PKNOX1: variants seen among roughly 807,000 people sequenced by gnomAD.
PKNOX1 encodes PBX/knotted 1 homeobox 1.
Under a neutral mutation model 51.9 loss-of-function variants are expected in PKNOX1, and 15 were observed. That is an observed-to-expected ratio of 0.29 (90% CI 0.19 to 0.45). PKNOX1 has a LOEUF of 0.45. PKNOX1 is among the 20% of genes least tolerant of loss of function. The probability of loss-of-function intolerance (pLI) is 1.00; values close to 1 mark genes in which losing one functional copy is unlikely to be tolerated. For missense variants in PKNOX1, 462 were observed against 547.5 expected (o/e 0.84, Z 1.56); for synonymous variants, 219 against 211.1 (o/e 1.04, Z -0.32).
At chr21:42,978,594 T>C (rs1029917075) in intron 1 of PKNOX1, among the ~76,000 whole-genome samples, 1 of 151,422 alleles carries the variant, frequency 6.6e-6, no homozygotes, top group Non-Finnish European at 1.5e-5. Context: ...AGTGATTCTC[T>C]TGCCTCAGCC....
At chr21:42,981,406 T>C (rs2059024883) in intron 1 of PKNOX1, among the ~76,000 whole-genome samples, 1 of 152,222 alleles carries the variant, frequency 6.6e-6, no homozygotes, top group African/African-American at 2.4e-5. Flanking sequence ...TTCTGGAAGA[T>C]TCACATAGAA....
intron 1 of PKNOX1, among the ~76,000 whole-genome samples, chr21:42,987,404 A>T (rs201205188): frequency 0.21 from 8,325 of 39,108 alleles, 950 homozygotes; most frequent in African/African-American, 0.32. Context: ...AAAAAAAAAA[A>T]ATATATATAT....
chr21:43,012,610 C>T (rs535524306), intron 4 of PKNOX1, among the ~76,000 whole-genome samples: 2 of 152,266 alleles, frequency 1.3e-5, no homozygotes, highest in African/African-American at 4.8e-5. Flanking sequence ...TTAGAAAAAT[C>T]GCAAGAGAAA....
intron 1 of PKNOX1, among the ~76,000 whole-genome samples, chr21:43,000,447 T>G (rs761820586): frequency 6.6e-6 from 1 of 152,060 alleles, no homozygotes; most frequent in African/African-American, 2.4e-5. Flanking sequence ...GAGGAGAGCA[T>G]GTACAGGGGA....
At chr21:43,011,248 T>G (rs234690) in intron 4 of PKNOX1, among the ~76,000 whole-genome samples, 31,842 of 151,370 alleles carry the variant, frequency 0.21, 3,679 homozygotes, top group Non-Finnish European at 0.25. Context: ...TTTTTGTATT[T>G]TTAGTAGAGA....
chr21:42,980,394 C>T (rs1208159887), intron 1 of PKNOX1, among the ~76,000 whole-genome samples: 2 of 149,552 alleles, frequency 1.3e-5, no homozygotes, highest in Non-Finnish European at 3.0e-5. Flanking sequence ...AAAAAAAATA[C>T]TACTTGTAAA....
At position 42,987,618 on chromosome 21, in the gene PKNOX1, C is replaced by CT. The variant is rs34065433; in HGVS notation, c.-57+12971dup. ...GCCCTAGGGCTGAGAATGGTTTCTA[C>CT]TTTTTTTTTTTTTTTTTGAGATGGA... On this transcript the variant is annotated intron_variant, in intron 1 of 10. Transcript: ENST00000291547. 3.7e-3 allele frequency among the ~76,000 whole-genome samples: 413 copies of CT among 113,108 alleles called. 3 individuals are homozygous for CT. Among genetic ancestry groups the CT allele is most frequent in the African/African-American group, 0.012 (362 of 30,316 alleles). 74.2% of individuals were successfully genotyped at this position (113,108 alleles called of 152,430 possible).
At chr21:42,981,421 GT>G (rs1568886169) in intron 1 of PKNOX1, among the ~76,000 whole-genome samples, 2 of 152,264 alleles carry the variant, frequency 1.3e-5, no homozygotes, top group Non-Finnish European at 2.9e-5. Context: ...ATAGAAGGCA[GT>G]GTGGTAATTC....
chr21:42,986,284 T>C (rs370659681), intron 1 of PKNOX1, among the ~76,000 whole-genome samples: 1 of 152,056 alleles, frequency 6.6e-6, no homozygotes, highest in East Asian at 1.9e-4. Context: ...GGGTGGATCA[T>C]GAGGTCAGGA....
intron 1 of PKNOX1, among the ~76,000 whole-genome samples, chr21:42,993,645 A>G (rs1420784370): frequency 5.8e-5 from 4 of 69,186 alleles, no homozygotes; most frequent in Admixed American, 1.9e-4. Context: ...ATGGTTACCC[A>G]CTTTGTTTTT....
chr21:43,027,611 G>A (rs1226144573), intron 9 of PKNOX1, among the ~76,000 whole-genome samples: 1 of 152,158 alleles, frequency 6.6e-6, no homozygotes, highest in African/African-American at 2.4e-5. Context: ...ACAATGTCCA[G>A]CCTGCCTTGC....
chr21:43,013,057 C>G lies in PKNOX1; in HGVS notation c.352-11C>G. On this transcript the variant is annotated splice_polypyrimidine_tract_variant and intron_variant, in intron 4 of 10. Transcript: ENST00000291547. ...CTTTTTCTCTGAAAGTCTTCATTTTCTCTGCTCTAGATGGTAAAAGCAATC... is the reference window on the plus strand; with the variant it reads ...CTTTTTCTCTGAAAGTCTTCATTTTGTCTGCTCTAGATGGTAAAAGCAATC... 1 of 1,568,300 alleles carries G rather than the reference C, an allele frequency of 6.4e-7. No homozygotes were observed. Among genetic ancestry groups the G allele is most frequent in the Non-Finnish European group, 8.7e-7 (1 of 1,154,686 alleles).
intron 5 of PKNOX1, among the ~76,000 whole-genome samples, chr21:43,013,680 C>T (rs978475034): frequency 1.7e-4 from 26 of 152,232 alleles, no homozygotes; most frequent in Admixed American, 1.2e-3. Flanking sequence ...AACTCTGACC[C>T]CATTAAACAC....
chr21:43,030,294 CGTGT>C lies in PKNOX1; in HGVS notation c.*197_*200del. ...GTGTGTGTGTGTGTGTGTGTGTGTG[CGTGT>C]GTGCGTGTGTGTGGATTTTTAAAGA... On this transcript the variant is annotated 3_prime_UTR_variant, in exon 11 of 11. Coordinates refer to ENST00000291547, the MANE Select transcript of PKNOX1 (RefSeq NM_004571.5). 4.2e-6 allele frequency: 1 copy of C among 237,020 alleles called. No individual in the cohort carries two copies. The highest frequency in any genetic ancestry group is 8.0e-6 in the Non-Finnish European group (1 of 125,032). 14.7% of individuals were successfully genotyped at this position (237,020 alleles called of 1,614,324 possible). A position where few individuals can be genotyped will look rare whatever the true frequency, so the allele number is the denominator to read the frequency against.
intron 7 of PKNOX1, among the ~76,000 whole-genome samples, 160 bp downstream of exon 7, chr21:43,018,390 A>C (rs1979597026): frequency 6.6e-6 from 1 of 151,046 alleles, no homozygotes; most frequent in Non-Finnish European, 1.5e-5. Flanking sequence ...TTGTACTCTT[A>C]TCTCTCGCAT....
intron 1 of PKNOX1, among the ~76,000 whole-genome samples, chr21:42,999,688 T>A: frequency 6.6e-6 from 1 of 151,600 alleles, no homozygotes. Flanking sequence ...TCCATGTTGG[T>A]CAGGCTGGTC....
chr21:42,994,095 CA>C (rs1169238368), intron 1 of PKNOX1, among the ~76,000 whole-genome samples: 8 of 136,762 alleles, frequency 5.8e-5, no homozygotes, highest in Non-Finnish European at 1.1e-4. Context: ...GGCTGGAGTA[CA>C]GTGGTATGAT....
chr21:43,004,622 A>C (rs1232183522), intron 2 of PKNOX1, among the ~76,000 whole-genome samples, 190 bp downstream of exon 2: 2 of 152,258 alleles, frequency 1.3e-5, no homozygotes, highest in Non-Finnish European at 2.9e-5. Flanking sequence ...ACTGATACCA[A>C]GATTGCCAGG....
In PKNOX1 at chr21:43,016,929, G is replaced by A; in HGVS notation, c.544G>A (p.Gly182Ser). 1.2e-6 allele frequency: 2 copies of A among 1,609,010 alleles called. No homozygotes were observed. The highest frequency in any genetic ancestry group is 1.1e-5 in the South Asian group (1 of 90,936). ...QSQQIQSAIT[G>S]TISPQGIVVP... ...GCAGCAGATTCAAAGTGCCATCACA[G>A]GCACCATCAGCCCTCAGGGAATTGT... Residue 182 changes from glycine (G) to serine (S), a missense_variant, in exon 6 of 11, where the codon GGC (glycine) becomes AGC (serine). This residue lies in a region of PKNOX1 where 126 missense variants were observed against 128.1 expected (regional missense o/e 0.98). Transcript: ENST00000291547.
Sources: allele counts gnomAD v4.1 joint callset (sites outside exome capture counted in the v4.1 genomes callset), GRCh38; gene constraint gnomAD v4.1.1; regional missense constraint gnomAD v4.1.1; transcripts MANE v1.5; gene names NCBI Gene and HGNC (gene_info 2026-07-23, HGNC 2026-07-21).